Variants in PCDH9 observed in about 807,000 individuals in gnomAD.
The protein encoded by PCDH9 is protocadherin 9.
Under a neutral mutation model 70.6 loss-of-function variants are expected in PCDH9, and 24 were observed. The observed-to-expected ratio is 0.34, with a 90% CI of 0.25 to 0.48. The LOEUF is 0.48. Among genes scored for constraint, PCDH9 ranks in the 20% least tolerant of loss-of-function variants. The pLI is 0.99. For missense variants in PCDH9, 1,281 were observed against 1,503.6 expected (o/e 0.85, Z 2.45); for synonymous variants, 562 against 558.5 (o/e 1.01, Z -0.09).
Position 66,417,655 on chromosome 13 carries a change from C to T in PCDH9, c.3341-112627G>A, listed in dbSNP as rs183063518. Among the ~76,000 whole-genome samples, 31 of 152,274 alleles carry T rather than the reference C, an allele frequency of 2.0e-4. No individual in the cohort carries two copies. The East Asian group carries it at 6.0e-3, about 30-fold the overall frequency. ...GTAAAGTATTCCTATTTCTCCACATCCTCTCCAGCATCAGTTGTTTCCTGA... is the reference window on the plus strand; with the variant it reads ...GTAAAGTATTCCTATTTCTCCACATTCTCTCCAGCATCAGTTGTTTCCTGA... On this transcript the variant is annotated intron_variant, in intron 4 of 4. Transcript: ENST00000377865.
intron 3 of PCDH9, among the ~76,000 whole-genome samples, chr13:66,649,148 A>C (rs554038517): frequency 1.7e-4 from 26 of 152,166 alleles, no homozygotes; most frequent in Non-Finnish European, 8.8e-5. Flanking sequence ...ATTCAAAGGG[A>C]TAATTACTGT....
Position 66,670,851 on chromosome 13 carries a change from T to C in PCDH9, c.3139-39440A>G, listed in dbSNP as rs556295983. Among the ~76,000 whole-genome samples the C allele has an allele frequency of 1.3e-4, 19 of 146,090 alleles. No homozygotes were observed. In the South Asian group the frequency reaches 3.4e-3, roughly 26 times the overall value. On this transcript the variant is annotated intron_variant, in intron 3 of 4. Transcript: ENST00000377865. The stretch of plus-strand genomic sequence containing the variant: ...TAGTTGGAAATAGGGACTTTGGAGA[T>C]GATTAAGTAAAGATGAGATCATTAG...
At chr13:67,110,430 C>T (rs566760963) in intron 2 of PCDH9, among the ~76,000 whole-genome samples, 49 of 149,104 alleles carry the variant, frequency 3.3e-4, no homozygotes, top group Non-Finnish European at 5.0e-4. Context: ...AGGAGAGTTG[C>T]CTGAACCCAG....
At chr13:66,961,461 T>C (rs2139725631) in intron 2 of PCDH9, among the ~76,000 whole-genome samples, 2 of 152,298 alleles carry the variant, frequency 1.3e-5, no homozygotes, top group East Asian at 3.9e-4. Flanking sequence ...GAAGCCTATA[T>C]ATACATTTTC....
At chr13:67,169,393 T>C (rs921402931) in intron 2 of PCDH9, among the ~76,000 whole-genome samples, 3 of 152,220 alleles carry the variant, frequency 2.0e-5, no homozygotes, top group Non-Finnish European at 2.9e-5. Flanking sequence ...ACTGCTCTGT[T>C]GCCATCTTCT....
intron 4 of PCDH9, among the ~76,000 whole-genome samples, chr13:66,514,775 A>G (rs1959653749): frequency 6.6e-6 from 1 of 152,062 alleles, no homozygotes; most frequent in South Asian, 2.1e-4. Flanking sequence ...TGCCTGCTAC[A>G]TAATGTAAAA....
chr13:66,574,462 C>T (rs1024344878), intron 4 of PCDH9, among the ~76,000 whole-genome samples: 1 of 152,294 alleles, frequency 6.6e-6, no homozygotes, highest in Non-Finnish European at 1.5e-5. Flanking sequence ...GCTACCCACA[C>T]ATCCTCCATT....
chr13:66,692,969 C>T (rs73200907), intron 3 of PCDH9, among the ~76,000 whole-genome samples: 6 of 152,024 alleles, frequency 3.9e-5, no homozygotes, highest in Non-Finnish European at 5.9e-5. Context: ...ACAATGGGTA[C>T]GATATATGTG....
chr13:67,105,995 G>A (rs2086533991), intron 2 of PCDH9, among the ~76,000 whole-genome samples: 3 of 151,840 alleles, frequency 2.0e-5, no homozygotes, highest in African/African-American at 7.2e-5. Flanking sequence ...CTCTAAGTCA[G>A]CTAGAAATCT....
At chr13:66,630,099 G>T (rs985441673) in intron 4 of PCDH9, among the ~76,000 whole-genome samples, 1 of 152,050 alleles carries the variant, frequency 6.6e-6, no homozygotes, top group Admixed American at 6.6e-5. Context: ...TTCCCACTTC[G>T]TGCAACCAGT....
intron 2 of PCDH9, among the ~76,000 whole-genome samples, chr13:66,913,199 C>A (rs1185532295): frequency 6.6e-6 from 1 of 151,936 alleles, no homozygotes; most frequent in Non-Finnish European, 1.5e-5. Context: ...CTTTATAAAA[C>A]CAACCCTGAA....
intron 3 of PCDH9, among the ~76,000 whole-genome samples, chr13:66,757,550 T>A (rs575825511): frequency 1.8e-4 from 27 of 152,140 alleles, no homozygotes; most frequent in Non-Finnish European, 2.8e-4. Context: ...TCCTGAAATA[T>A]GTAAATGGTA....
intron 3 of PCDH9, among the ~76,000 whole-genome samples, chr13:66,840,500 GTATC>G (rs2081098510): frequency 6.6e-6 from 1 of 152,086 alleles, no homozygotes; most frequent in Non-Finnish European, 1.5e-5. Flanking sequence ...TTTATTTAAC[GTATC>G]TATCTTATTC....
chr13:67,092,311 A>T (rs1210002029), intron 2 of PCDH9, among the ~76,000 whole-genome samples: 1 of 152,214 alleles, frequency 6.6e-6, no homozygotes, highest in African/African-American at 2.4e-5. Flanking sequence ...TTTTTAAAAA[A>T]TTATTTTCAG....
chr13:66,973,434 C>G (rs1041315360), intron 2 of PCDH9, among the ~76,000 whole-genome samples: 1 of 151,822 alleles, frequency 6.6e-6, no homozygotes, highest in Non-Finnish European at 1.5e-5. Context: ...TGAGACTAGA[C>G]AGAACTCCAC....
intron 2 of PCDH9, among the ~76,000 whole-genome samples, chr13:67,049,292 A>C (rs1283153591): frequency 6.6e-6 from 1 of 152,210 alleles, no homozygotes; most frequent in Non-Finnish European, 1.5e-5. Flanking sequence ...GTTCTGATTA[A>C]TGTTTTATGA....
At position 66,767,255 on chromosome 13, in the gene PCDH9, G is replaced by T. The variant is rs547124907; in HGVS notation, c.3139-135844C>A. Among the ~76,000 whole-genome samples the T allele has an allele frequency of 6.0e-5, 9 of 151,132 alleles. No individual in the cohort carries two copies. In the South Asian group the frequency reaches 1.7e-3, roughly 28 times the overall value. Reference sequence around the variant, plus strand: ...TCTCACAAAAAAGAGCAAAGGGAAGGTTTTATCTGGAGAATGTAGATGTGT... The same window carrying T: ...TCTCACAAAAAAGAGCAAAGGGAAGTTTTTATCTGGAGAATGTAGATGTGT... On this transcript the variant is annotated intron_variant, in intron 3 of 4. Coordinates refer to ENST00000377865, the MANE Select transcript of PCDH9 (RefSeq NM_203487.3).
intron 3 of PCDH9, among the ~76,000 whole-genome samples, chr13:66,839,350 C>A (rs1218834555): frequency 6.6e-6 from 1 of 152,124 alleles, no homozygotes. Context: ...ATCCCCAAAT[C>A]TATCGTTTTC....
At chr13:66,629,855 C>G (rs957037173) in intron 4 of PCDH9, among the ~76,000 whole-genome samples, 1 of 152,072 alleles carries the variant, frequency 6.6e-6, no homozygotes, top group Non-Finnish European at 1.5e-5. Flanking sequence ...GGAGGCATAC[C>G]TTAGAAAGAA....
Sources: gnomAD v4.1 joint callset for allele counts (sites outside exome capture counted in the v4.1 genomes callset) on GRCh38, gnomAD v4.1.1 for gene constraint, MANE v1.5 for transcripts, NCBI Gene and HGNC (gene_info 2026-07-23, HGNC 2026-07-21) for gene names.